The following SRL variants were observed in gnomAD, a reference collection of about 807,000 sequenced individuals.
SRL encodes sarcalumenin.
A neutral mutation model predicts 39.5 loss-of-function variants in SRL; 23 were observed. That is an observed-to-expected ratio of 0.58 (90% CI 0.42 to 0.82). The LOEUF (loss-of-function observed/expected upper bound fraction) is 0.82, where lower values mean the gene tolerates loss of function less well. SRL is among the 40% of genes least tolerant of loss of function. The pLI, the probability that SRL is intolerant of heterozygous loss-of-function variation, is 0.00. For missense variants in SRL, 592 were observed against 607.8 expected (o/e 0.97, Z 0.27); for synonymous variants, 272 against 237.4 (o/e 1.15, Z -1.34).
chr16:4,196,548 C>T (rs556928043), intron 4 of SRL, among the ~76,000 whole-genome samples: 238 of 144,208 alleles, frequency 1.7e-3, no homozygotes, highest in Non-Finnish European at 2.7e-3. Flanking sequence ...GTGGCATGAT[C>T]TCAGCTCACT....
Position 4,202,334 on chromosome 16 carries a change from T to C in SRL, c.259+832A>G, listed in dbSNP as rs374567463. ...GTCGGCTGGGAGCGGTGGCTCACGC[T>C]TGTAATCCCAGCACTTTGGGAGGCC... is the stretch of plus-strand genomic sequence containing the variant. On this transcript the variant is annotated intron_variant, in intron 3 of 5. Transcript: ENST00000399609. Among the ~76,000 whole-genome samples the C allele has an allele frequency of 1.9e-4, 29 of 152,256 alleles. No individual in the cohort carries two copies. In the East Asian group the frequency reaches 4.4e-3, roughly 23 times the overall value.
At position 4,192,530 on chromosome 16, in the gene SRL, G is replaced by C; in HGVS notation, c.1045C>G (p.Arg349Gly). 1 of 1,614,150 alleles carries C rather than the reference G, an allele frequency of 6.2e-7. No individual in the cohort carries two copies. The highest frequency in any genetic ancestry group is 8.5e-7 in the Non-Finnish European group (1 of 1,180,044). The change falls in exon 6 of 6, where the codon CGC becomes GGC. Residue 349 changes from arginine (R) to glycine (G), a missense_variant. By Grantham distance (125) the Arg-to-Gly change is moderately radical (BLOSUM62 -2). Transcript: ENST00000399609. This position sits in a 1 kb window ranked among gnomAD's most constrained non-coding sequence, Gnocchi z 4.0. ...TTGTCCTTGTAAGTCTGCAGGTAGCGGTCAACCAGGAGGGCGTGGATGCGG... is the reference window on the plus strand; with the variant it reads ...TTGTCCTTGTAAGTCTGCAGGTAGCCGTCAACCAGGAGGGCGTGGATGCGG... ...RVRIHALLVD[R>G]YLQTYKDKMT...
At chr16:4,213,404 C>CTTTTTCTTT (rs1237775177) in intron 1 of SRL, among the ~76,000 whole-genome samples, 11 of 69,584 alleles carry the variant, frequency 1.6e-4, no homozygotes, top group Admixed American at 4.6e-4. Context: ...TTTTCTTTTT[C>CTTTTTCTTT]TTTTTTTTTT....
intron 1 of SRL, among the ~76,000 whole-genome samples, chr16:4,219,117 T>C (rs1220293085): frequency 3.8e-4 from 56 of 146,230 alleles, no homozygotes; most frequent in Non-Finnish European, 1.2e-4. Flanking sequence ...AGCCCAACTC[T>C]TTAGCCCAAC....
chr16:4,195,246 G>C (rs921162578), intron 5 of SRL, among the ~76,000 whole-genome samples: 8 of 152,196 alleles, frequency 5.3e-5, no homozygotes, highest in African/African-American at 1.9e-4. Flanking sequence ...GCCCAGGCTG[G>C]AGTAGAGTGG....
At chr16:4,202,972 T>C (rs2052257086) in intron 3 of SRL, among the ~76,000 whole-genome samples, 194 bp downstream of exon 3, 1 of 152,182 alleles carries the variant, frequency 6.6e-6, no homozygotes, top group African/African-American at 2.4e-5. Context: ...GGTAGTTCCG[T>C]GATGGAGGTG....
intron 1 of SRL, among the ~76,000 whole-genome samples, chr16:4,228,005 G>A (rs973171689): frequency 1.3e-5 from 2 of 152,216 alleles, no homozygotes; most frequent in Non-Finnish European, 2.9e-5. Flanking sequence ...GACACTGCAG[G>A]AGCCCAGCCA....
chr16:4,199,412 C>T (rs2052192711), intron 3 of SRL, among the ~76,000 whole-genome samples: 1 of 139,610 alleles, frequency 7.2e-6, no homozygotes, highest in Non-Finnish European at 1.5e-5. Flanking sequence ...CACTCTGTCG[C>T]CCAAACCACA....
intron 3 of SRL, among the ~76,000 whole-genome samples, chr16:4,199,184 T>C (rs2052187877): frequency 1.3e-5 from 2 of 152,046 alleles, no homozygotes; most frequent in South Asian, 4.1e-4. Context: ...ATTTATTTAA[T>C]TTCTTGGTTC....
chr16:4,238,788 A>T (rs1195141253), intron 1 of SRL, among the ~76,000 whole-genome samples: 3 of 140,684 alleles, frequency 2.1e-5, no homozygotes, highest in East Asian at 2.1e-4. Flanking sequence ...ACACCGAGCT[A>T]TTTTTTTTTT....
intron 1 of SRL, 98 bp from the exon 2 acceptor site, chr16:4,204,732 G>C: frequency 2.1e-6 from 2 of 963,936 alleles, no homozygotes; most frequent in Non-Finnish European, 3.3e-6. Context: ...TCAAGCAGGG[G>C]CTCAACAGGG....
chr16:4,194,939 G>A (rs1435897459), intron 5 of SRL, among the ~76,000 whole-genome samples: 2 of 151,698 alleles, frequency 1.3e-5, no homozygotes, highest in African/African-American at 4.8e-5. Context: ...GTGTCACTAA[G>A]GCTGGAGTGC....
chr16:4,193,571 T>C (rs2052096354), intron 5 of SRL, among the ~76,000 whole-genome samples: 1 of 152,226 alleles, frequency 6.6e-6, no homozygotes, highest in African/African-American at 2.4e-5. Context: ...AGCTGTATAT[T>C]AAATGCCTCT....
intron 1 of SRL, among the ~76,000 whole-genome samples, chr16:4,234,019 G>C (rs1388906634): frequency 6.6e-6 from 1 of 151,866 alleles, no homozygotes; most frequent in South Asian, 2.1e-4. Flanking sequence ...TTTAAATATG[G>C]GGTCTCGCTC....
At chr16:4,225,871 G>A (rs753703735) in intron 1 of SRL, among the ~76,000 whole-genome samples, 5 of 151,922 alleles carry the variant, frequency 3.3e-5, no homozygotes, top group South Asian at 2.1e-4. Context: ...AACATCCTAC[G>A]GTGACCTGGA....
chr16:4,197,467 G>C (rs2052165079), intron 4 of SRL, among the ~76,000 whole-genome samples: 1 of 131,606 alleles, frequency 7.6e-6, no homozygotes, highest in East Asian at 2.2e-4. Context: ...TGTCACCCAG[G>C]CTGGAGTGCA....
chr16:4,208,819 T>C (rs971340170), intron 1 of SRL, among the ~76,000 whole-genome samples: 2 of 152,098 alleles, frequency 1.3e-5, no homozygotes, highest in Non-Finnish European at 2.9e-5. Flanking sequence ...AGGCCGGGCC[T>C]GGCTTCCCAA....
At chr16:4,236,174 C>T (rs2052711929) in intron 1 of SRL, among the ~76,000 whole-genome samples, 1 of 152,184 alleles carries the variant, frequency 6.6e-6, no homozygotes, top group African/African-American at 2.4e-5. Flanking sequence ...TTATCCCAAA[C>T]TTAATTTTTA....
chr16:4,204,354 C>T (rs2052282057), intron 2 of SRL, among the ~76,000 whole-genome samples, 179 bp downstream of exon 2: 1 of 85,350 alleles, frequency 1.2e-5, no homozygotes. Context: ...TCCACGAAGC[C>T]TCCCACCTTC....
Sources: gnomAD v4.1 joint callset for allele counts (sites outside exome capture counted in the v4.1 genomes callset) on GRCh38, gnomAD v4.1.1 for gene constraint, Gnocchi (gnomAD v3.1) non-coding constraint, MANE v1.5 for transcripts, NCBI Gene and HGNC (gene_info 2026-07-23, HGNC 2026-07-21) for gene names.